Variants in ADAM32 observed in about 807,000 individuals in gnomAD.
ADAM32 encodes the protein ADAM metallopeptidase domain 32, also known as disintegrin and metalloproteinase domain-containing protein 32.
In ADAM32, 89 loss-of-function variants were observed where a neutral mutation model predicts 114.9. The ratio of observed to expected loss-of-function variants is 0.77; its 90% confidence interval spans 0.65 to 0.92. The LOEUF (loss-of-function observed/expected upper bound fraction) is 0.92, where lower values mean the gene tolerates loss of function less well. ADAM32 is among the 40% of genes least tolerant of loss of function. The pLI is 0.00. For synonymous variants in ADAM32, 285 were observed against 307.5 expected (o/e 0.93, Z 0.77); for missense variants, 870 against 932.8 (o/e 0.93, Z 0.88).
chr8:39,255,784 C>A (rs1355248442), intron 18 of ADAM32, among the ~76,000 whole-genome samples: 1 of 151,844 alleles, frequency 6.6e-6, no homozygotes, highest in Non-Finnish European at 1.5e-5. Flanking sequence ...TGGGTTCTTG[C>A]TCATGAACGC....
At chr8:39,203,472 T>C (rs1807584788) in intron 11 of ADAM32, among the ~76,000 whole-genome samples, 1 of 152,198 alleles carries the variant, frequency 6.6e-6, no homozygotes, top group African/African-American at 2.4e-5. Flanking sequence ...TTTTTTGTTT[T>C]CCATTTGCTT....
intron 3 of ADAM32, among the ~76,000 whole-genome samples, chr8:39,141,480 T>G (rs1803150594): frequency 6.6e-6 from 1 of 152,228 alleles, no homozygotes; most frequent in African/African-American, 2.4e-5. Flanking sequence ...ATTGTTCAGT[T>G]TTCATGTAGT....
intron 11 of ADAM32, among the ~76,000 whole-genome samples, chr8:39,206,890 G>A (rs1405806303): frequency 1.3e-5 from 2 of 152,000 alleles, no homozygotes; most frequent in African/African-American, 4.8e-5. Flanking sequence ...AAATAGTATA[G>A]TGCTGTGTCA....
intron 11 of ADAM32, among the ~76,000 whole-genome samples, chr8:39,197,413 T>G (rs2129447683): frequency 6.6e-6 from 1 of 152,180 alleles, no homozygotes; most frequent in Middle Eastern, 3.4e-3. Flanking sequence ...AGTACATCAT[T>G]AGGTTATTTG....
At chr8:39,148,689 A>G (rs1279627608) in intron 4 of ADAM32, among the ~76,000 whole-genome samples, 1 of 152,324 alleles carries the variant, frequency 6.6e-6, no homozygotes, top group East Asian at 1.9e-4. Context: ...TTGCTGAAAT[A>G]TTAAATTAGA....
chr8:39,276,905 T>C (rs1813109779), intron 22 of ADAM32, among the ~76,000 whole-genome samples: 1 of 152,184 alleles, frequency 6.6e-6, no homozygotes, highest in African/African-American at 2.4e-5. Context: ...TGCTCAGCAT[T>C]GTATAGCTAG....
At chr8:39,107,639 C>T (rs1839977623), upstream of ADAM32, 17 of 1,489,356 alleles carry the variant, frequency 1.1e-5, no homozygotes, top group Non-Finnish European at 1.5e-5. Context: ...ACACCGAGAG[C>T]ACCCCGTCTC....
chr8:39,245,299 TGGG>T (rs1564675689), intron 16 of ADAM32, among the ~76,000 whole-genome samples: 2 of 151,962 alleles, frequency 1.3e-5, no homozygotes, highest in African/African-American at 2.4e-5. Flanking sequence ...TTTGGGGACT[TGGG>T]GGGAAGGGTG....
intron 2 of ADAM32, among the ~76,000 whole-genome samples, chr8:39,122,150 A>G (rs923557005): frequency 6.6e-6 from 1 of 152,168 alleles, no homozygotes; most frequent in Admixed American, 6.5e-5. Flanking sequence ...TGACATTTAG[A>G]TGAAATTTTG....
At chr8:39,180,089 C>T (rs1805757136) in intron 10 of ADAM32, among the ~76,000 whole-genome samples, 1 of 152,166 alleles carries the variant, frequency 6.6e-6, no homozygotes, top group Non-Finnish European at 1.5e-5. Flanking sequence ...AGAGCTGGCT[C>T]CCTCAGCTTG....
rs185451097 is a variant in ADAM32 at position 39,228,194 on chromosome 8, A to G, written c.1526-3833A>G. On this transcript the variant is annotated intron_variant, in intron 14 of 24. Coordinates refer to ENST00000379907, the MANE Select transcript of ADAM32 (RefSeq NM_145004.7). Reference sequence around the variant, plus strand: ...AATCTGAACAAAAGCCTTCAGCCCTAGACCTTCCCTCTGACAGAGGCTACT... The same window carrying G: ...AATCTGAACAAAAGCCTTCAGCCCTGGACCTTCCCTCTGACAGAGGCTACT... 7.8e-4 allele frequency among the ~76,000 whole-genome samples: 119 copies of G among 152,346 alleles called. No homozygotes were observed. In the Middle Eastern group the frequency reaches 0.01, roughly 13 times the overall value.
At chr8:39,108,210 AG>A (rs966007094) in intron 1 of ADAM32, 3 of 167,076 alleles carry the variant, frequency 1.8e-5, no homozygotes, top group Non-Finnish European at 3.8e-5. Context: ...ACGTGAGTCC[AG>A]GAGGTGGAGG....
At chr8:39,181,440 A>G (rs1273826869) in intron 10 of ADAM32, among the ~76,000 whole-genome samples, 5 of 152,196 alleles carry the variant, frequency 3.3e-5, no homozygotes, top group Non-Finnish European at 7.3e-5. Context: ...AACAAACTCC[A>G]GACACGCCAC....
intron 6 of ADAM32, among the ~76,000 whole-genome samples, chr8:39,153,065 C>T (rs1057171244): frequency 7.2e-5 from 11 of 152,132 alleles, no homozygotes; most frequent in Non-Finnish European, 1.0e-4. Flanking sequence ...CAGAATGGAA[C>T]TACCATACCT....
chr8:39,257,162 T>C (rs763346516), intron 18 of ADAM32, 25 bp from the exon 19 acceptor site: 1 of 1,518,228 alleles, frequency 6.6e-7, no homozygotes, highest in Non-Finnish European at 8.8e-7. Flanking sequence ...TTTTTGTTTT[T>C]TTTTTTTTGT....
At chr8:39,254,280 A>G (rs1811491490) in intron 17 of ADAM32, 134 bp from the exon 18 acceptor site, 2 of 633,854 alleles carry the variant, frequency 3.2e-6, no homozygotes, top group Non-Finnish European at 2.5e-6. Flanking sequence ...TAAGAAACCA[A>G]ACATTTGATA....
At chr8:39,219,479 C>G (rs758088951) in intron 12 of ADAM32, among the ~76,000 whole-genome samples, 1 of 152,158 alleles carries the variant, frequency 6.6e-6, no homozygotes, top group African/African-American at 2.4e-5. Context: ...GTTTATATGC[C>G]CCCTCTATGG....
intron 7 of ADAM32, among the ~76,000 whole-genome samples, chr8:39,163,466 G>A (rs1804635925): frequency 3.3e-4 from 1 of 3,060 alleles, no homozygotes; most frequent in Non-Finnish European, 0.01. Context: ...AATTGGGGAA[G>A]GAGGAATCAA....
At chr8:39,164,440 T>C (rs901350395) in intron 7 of ADAM32, among the ~76,000 whole-genome samples, 5 of 152,210 alleles carry the variant, frequency 3.3e-5, no homozygotes, top group African/African-American at 9.7e-5. Flanking sequence ...TGGACATTCA[T>C]GTACAAGTAT....
Sources: gnomAD v4.1 joint callset for allele counts (sites outside exome capture counted in the v4.1 genomes callset) on GRCh38, gnomAD v4.1.1 for gene constraint, MANE v1.5 for transcripts, NCBI Gene and HGNC (gene_info 2026-07-23, HGNC 2026-07-21) for gene names.